Variants in ARFGEF3 observed in about 807,000 individuals in gnomAD.
ARFGEF3 encodes the protein ARFGEF family member 3.
ARFGEF3 carries 96 observed loss-of-function variants against 221.7 expected under a neutral mutation model. The observed-to-expected ratio is 0.43, with a 90% CI of 0.37 to 0.51. ARFGEF3 has a LOEUF of 0.51. Ranked by LOEUF, ARFGEF3 falls within the 20% of genes least tolerant of loss-of-function variation. The pLI is 0.00. For missense variants in ARFGEF3, 2,410 were observed against 2,789.9 expected, an observed-to-expected ratio of 0.86 and a Z score of 3.07; for synonymous variants, 1,145 against 1,126.8, an observed-to-expected ratio of 1.02 and a Z score of -0.32.
Position 138,232,436 on chromosome 6 carries a change from A to T in ARFGEF3, c.420+2584A>T, listed in dbSNP as rs1778210858. 2.0e-5 allele frequency among the ~76,000 whole-genome samples: 3 copies of T among 152,198 alleles called. No homozygotes were observed. The South Asian group carries it at 6.2e-4, about 32-fold the overall frequency. On this transcript the variant is annotated intron_variant, in intron 5 of 33. Coordinates refer to ENST00000251691, the MANE Select transcript of ARFGEF3 (RefSeq NM_020340.5). Reference sequence around the variant, plus strand: ...AGAATTGGTTAAACCTGGGAGGCGGAGGCTGCAGTGAGCCTGTTCCATTGG... The same window carrying T: ...AGAATTGGTTAAACCTGGGAGGCGGTGGCTGCAGTGAGCCTGTTCCATTGG...
At chr6:138,214,224 A>C (rs1213969700) in intron 4 of ARFGEF3, among the ~76,000 whole-genome samples, 1 of 152,238 alleles carries the variant, frequency 6.6e-6, no homozygotes, top group Non-Finnish European at 1.5e-5. Context: ...CAAAAATTAT[A>C]GAAGAGAGAA....
intron 31 of ARFGEF3, among the ~76,000 whole-genome samples, chr6:138,326,940 T>C (rs991847921): frequency 2.0e-5 from 3 of 152,216 alleles, no homozygotes; most frequent in Admixed American, 2.0e-4. Context: ...AATGAGATCA[T>C]GTCCTTTGCA....
At chr6:138,301,510 G>A (rs796088232) in intron 22 of ARFGEF3, among the ~76,000 whole-genome samples, 10 of 152,298 alleles carry the variant, frequency 6.6e-5, no homozygotes, top group African/African-American at 2.4e-4. Flanking sequence ...TACAAGTGAT[G>A]AATTCATGGA....
chr6:138,242,826 A>G, intron 6 of ARFGEF3, 126 bp from the exon 7 acceptor site: 1 of 708,572 alleles, frequency 1.4e-6, no homozygotes, highest in Non-Finnish European at 2.5e-6. Context: ...GGGTGGGCTC[A>G]GGCAAGGTAG....
chr6:138,335,316 C>A, intron 33 of ARFGEF3, 128 bp downstream of exon 33: 1 of 927,914 alleles, frequency 1.1e-6, no homozygotes, highest in Non-Finnish European at 1.5e-6. Flanking sequence ...GAACCGATTT[C>A]CCTCCAAAGT....
intron 8 of ARFGEF3, among the ~76,000 whole-genome samples, chr6:138,251,038 T>G (rs960007998): frequency 1.3e-5 from 2 of 152,206 alleles, no homozygotes; most frequent in Non-Finnish European, 2.9e-5. Flanking sequence ...GACTCATGCA[T>G]GGGCACGATC....
intron 20 of ARFGEF3, among the ~76,000 whole-genome samples, chr6:138,295,588 C>A (rs1458138756): frequency 6.7e-6 from 1 of 149,606 alleles, no homozygotes; most frequent in African/African-American, 2.5e-5. Flanking sequence ...TGAGATTGCA[C>A]CACTGCACTC....
intron 8 of ARFGEF3, among the ~76,000 whole-genome samples, chr6:138,250,980 G>A (rs753731266): frequency 1.3e-5 from 2 of 152,208 alleles, no homozygotes; most frequent in African/African-American, 2.4e-5. Flanking sequence ...GTGCGTGTGT[G>A]TATCTAGTGG....
At position 138,306,969 on chromosome 6, in the gene ARFGEF3, AAAG is replaced by A. The variant is rs1400877428; in HGVS notation, c.3829-281_3829-279del. Among the ~76,000 whole-genome samples the A allele has an allele frequency of 2.3e-4, 35 of 150,446 alleles. 1 individual carries two copies. The highest frequency in any genetic ancestry group is 8.0e-4 in the African/African-American group (32 of 40,166). On this transcript the variant is annotated intron_variant, in intron 22 of 33. Transcript: ENST00000251691. ...AAGGAACTCTAAAAAAAAAAAAAAAAAAGAAAATAACAAGAAGACATGAACCCA... is the reference window on the plus strand; with the variant it reads ...AAGGAACTCTAAAAAAAAAAAAAAAAAAAATAACAAGAAGACATGAACCCA...
chr6:138,189,909 G>T (rs563420958), intron 2 of ARFGEF3, among the ~76,000 whole-genome samples: 1 of 151,804 alleles, frequency 6.6e-6, no homozygotes. Flanking sequence ...CAAAAATCCC[G>T]TCTCTACAAA....
Position 138,336,591 on chromosome 6 carries a change from C to A in ARFGEF3, c.*105C>A. On this transcript the variant is annotated 3_prime_UTR_variant, in exon 34 of 34. Transcript: ENST00000251691. ...ACCACTAGCCCCACTTAAACTACTA[C>A]TACTGTCTCAGAGAACAGTGTTTCC... 1.1e-6 allele frequency: 1 copy of A among 891,278 alleles called. No homozygotes were observed. The highest frequency in any genetic ancestry group is 1.7e-6 in the Non-Finnish European group (1 of 597,858). 55.2% of individuals were successfully genotyped at this position (891,278 alleles called of 1,614,324 possible).
intron 4 of ARFGEF3, among the ~76,000 whole-genome samples, chr6:138,229,514 C>G (rs921485108): frequency 1.3e-5 from 2 of 152,216 alleles, no homozygotes; most frequent in Non-Finnish European, 2.9e-5. Flanking sequence ...CCTCCTGGAG[C>G]TGTTGAGAGA....
intron 17 of ARFGEF3, among the ~76,000 whole-genome samples, chr6:138,287,780 A>G (rs956037943): frequency 6.6e-6 from 1 of 152,226 alleles, no homozygotes; most frequent in African/African-American, 2.4e-5. Flanking sequence ...ACAAAAGGAA[A>G]AATGCCAGCT....
At chr6:138,249,495 A>G (rs1213715410) in intron 8 of ARFGEF3, among the ~76,000 whole-genome samples, 1 of 152,010 alleles carries the variant, frequency 6.6e-6, no homozygotes. Flanking sequence ...ACACCCAGCT[A>G]ATTTTTTATA....
rs1778471684 is a variant in ARFGEF3 at position 138,245,567 on chromosome 6, G to A, written c.641G>A (p.Cys214Tyr). 6.2e-7 allele frequency: 1 copy of A among 1,609,232 alleles called. No homozygotes were observed. Among genetic ancestry groups the A allele is most frequent in the Non-Finnish European group, 8.5e-7 (1 of 1,178,096 alleles). ...DDVVSVLTVLCEKLQAAINDS... is the reference protein window; with the variant it reads ...DDVVSVLTVLYEKLQAAINDS... ...GTTGTCTCTGTACTCACCGTCCTGT[G>A]TGAGAAGCTGCAAGCCGCCATAAAG... The change falls in exon 8 of 34, where the codon TGT becomes TAT. Residue 214 changes from cysteine (C) to tyrosine (Y), a missense_variant. Physicochemically the swap from Cys to Tyr is radical, Grantham distance 194. This residue lies in a region of ARFGEF3 where 570 missense variants were observed against 586.9 expected (regional missense o/e 0.97). Transcript: ENST00000251691.
chr6:138,338,530 T>G lies in ARFGEF3; in HGVS notation c.*2044T>G, dbSNP rs749865423. On this transcript the variant is annotated 3_prime_UTR_variant, in exon 34 of 34. Transcript: ENST00000251691. Reference sequence around the variant, plus strand: ...GAGAATACCAGCTGGGCACGGTGGCTCACGCCTGTAATCCCAGCACTTACT... The same window carrying G: ...GAGAATACCAGCTGGGCACGGTGGCGCACGCCTGTAATCCCAGCACTTACT... 4 of 152,230 alleles carry G rather than the reference T, an allele frequency of 2.6e-5. No individual in the cohort carries two copies. Among genetic ancestry groups the G allele is most frequent in the Non-Finnish European group, 4.4e-5 (3 of 68,060 alleles). 9.4% of individuals were successfully genotyped at this position (152,230 alleles called of 1,614,324 possible).
intron 4 of ARFGEF3, chr6:138,218,388 G>A (rs754390771): frequency 6.5e-7 from 1 of 1,536,644 alleles, no homozygotes. Flanking sequence ...CCTTAAGAAG[G>A]CCCTCATATT....
chr6:138,279,149 G>A (rs1779151929), intron 13 of ARFGEF3, among the ~76,000 whole-genome samples: 1 of 151,970 alleles, frequency 6.6e-6, no homozygotes, highest in African/African-American at 2.4e-5. Flanking sequence ...CAAGTAGCTG[G>A]GACTACAGGT....
At chr6:138,212,423 G>A (rs2327878) in intron 4 of ARFGEF3, among the ~76,000 whole-genome samples, 12,464 of 152,226 alleles carry the variant, frequency 0.082, 817 homozygotes, top group East Asian at 0.36. Context: ...GTTGGTGGGA[G>A]TGTAAATTAG....
Sources: gnomAD v4.1 joint callset for allele counts (sites outside exome capture counted in the v4.1 genomes callset) on GRCh38, gnomAD v4.1.1 for gene constraint, gnomAD v4.1.1 regional missense constraint, MANE v1.5 for transcripts, NCBI Gene and HGNC (gene_info 2026-07-23, HGNC 2026-07-21) for gene names.